MGAM2: variants seen among roughly 807,000 people sequenced by gnomAD.
MGAM2 encodes the protein probable maltase-glucoamylase 2.
MGAM2 carries 98 observed loss-of-function variants against 96.1 expected under a neutral mutation model. The observed-to-expected ratio is 1.02, with a 90% CI of 0.87 to 1.21. The LOEUF (loss-of-function observed/expected upper bound fraction) is 1.21. MGAM2 is among the 50% of genes most tolerant of loss of function. The pLI is 0.00. For synonymous variants in MGAM2, 749 were observed against 414.8 expected (o/e 1.81, Z -9.79); for missense variants, 2,055 against 1,182.4 (o/e 1.74, Z -10.82).
chr7:142,143,399 T>TATG (rs1554503850), intron 12 of MGAM2, among the ~76,000 whole-genome samples: 1 of 152,234 alleles, frequency 6.6e-6, no homozygotes, highest in Non-Finnish European at 1.5e-5. Context: ...AAGTAGACTT[T>TATG]ATGTGACCTT....
intron 30 of MGAM2, 24 bp downstream of exon 30, chr7:142,172,788 A>G (rs1420509323): frequency 1.5e-6 from 1 of 683,852 alleles, no homozygotes; most frequent in African/African-American, 1.8e-5. Flanking sequence ...CTGTCCATCA[A>G]TATATTGTCA....
chr7:142,183,167 C>T, intron 32 of MGAM2, 99 bp from the exon 33 acceptor site: 1 of 601,884 alleles, frequency 1.7e-6, no homozygotes, highest in South Asian at 2.0e-5. Context: ...TATTGAGATT[C>T]ACCATTTCCT....
chr7:142,205,807 A>AT (rs1012474912), intron 45 of MGAM2, among the ~76,000 whole-genome samples: 2 of 151,952 alleles, frequency 1.3e-5, no homozygotes, highest in Non-Finnish European at 2.9e-5. Context: ...TAATTTATCT[A>AT]TTTTTTTCTA....
At chr7:142,164,619 T>G (rs1417993453) in intron 23 of MGAM2, among the ~76,000 whole-genome samples, 1 of 152,110 alleles carries the variant, frequency 6.6e-6, no homozygotes, top group African/African-American at 2.4e-5. Flanking sequence ...ATTTTCCGAT[T>G]AATAGAATCA....
chr7:142,215,383 AC>A (rs1296556315), intron 46 of MGAM2, among the ~76,000 whole-genome samples: 1 of 152,014 alleles, frequency 6.6e-6, no homozygotes, highest in Non-Finnish European at 1.5e-5. Flanking sequence ...GATGCAGCAA[AC>A]CACCATGGCA....
At position 142,114,216 on chromosome 7, in the gene MGAM2, G is replaced by GAAAGAAAGAGAGAGAGAA. The variant is rs1554499599; in HGVS notation, c.-1+2410_-1+2411insAAGAAAGAGAGAGAGAAA. 2.1e-3 allele frequency among the ~76,000 whole-genome samples: 144 copies of GAAAGAAAGAGAGAGAGAA among 68,000 alleles called. 3 individuals carry two copies. The highest frequency in any genetic ancestry group is 0.01 in the African/African-American group (138 of 13,274). The allele number at this position is 68,000 out of a possible 152,430, so 44.6% of individuals were successfully genotyped here. A position where few individuals can be genotyped will look rare whatever the true frequency, so the allele number is the denominator to read the frequency against. ...AAAGAAAGAAAGAAAGAAAGAAAGA[G>GAAAGAAAGAGAGAGAGAA]AGAAAGAAAGAAAGAAATAGGAGAC... On this transcript the variant is annotated intron_variant, in intron 1 of 47. Transcript: ENST00000477922.
intron 6 of MGAM2, among the ~76,000 whole-genome samples, chr7:142,133,752 C>T (rs576437780): frequency 1.3e-5 from 2 of 152,340 alleles, no homozygotes; most frequent in South Asian, 4.1e-4. Flanking sequence ...CAACTCTGCT[C>T]TCTTTCCCCA....
At chr7:142,113,045 C>T (rs1023749539) in intron 1 of MGAM2, among the ~76,000 whole-genome samples, 11 of 152,100 alleles carry the variant, frequency 7.2e-5, no homozygotes, top group African/African-American at 2.7e-4. Flanking sequence ...GGAATTATTA[C>T]ACATTAACCT....
At chr7:142,176,188 C>A (rs562018423) in intron 32 of MGAM2, among the ~76,000 whole-genome samples, 2 of 151,676 alleles carry the variant, frequency 1.3e-5, no homozygotes, top group African/African-American at 4.8e-5. Flanking sequence ...TCAGGAGGTT[C>A]AAAAATCTCT....
intron 45 of MGAM2, among the ~76,000 whole-genome samples, chr7:142,207,344 T>C (rs1797433741): frequency 6.6e-6 from 1 of 152,160 alleles, no homozygotes; most frequent in Admixed American, 6.5e-5. Context: ...AGCTGGAGTT[T>C]AGGAGATGTA....
rs1323672891 is a variant in MGAM2 at position 142,162,004 on chromosome 7, T to G, written c.2484T>G (p.Ser828=). Residue 828 remains serine, a splice_region_variant and synonymous_variant, in exon 23 of 48, where the codon TCT becomes TCG. Coordinates refer to ENST00000477922, the MANE Select transcript of MGAM2 (RefSeq NM_001293626.2). ...TTCTATATGATTTCTCTGTTACCTC[T>G]GTAAGTATTTTGTTTGAGGAACACA... The part of the protein sequence containing the change: ...KYILYDFSVT[S]NHLQAKIINN... The G allele has an allele frequency of 5.8e-6, 4 of 690,824 alleles. No homozygotes were observed. The highest frequency in any genetic ancestry group is 1.1e-5 in the Non-Finnish European group (4 of 380,816). 42.8% of individuals were successfully genotyped at this position (690,824 alleles called of 1,614,324 possible).
In MGAM2 at chr7:142,222,119, T is replaced by G. The variant is rs892785658; in HGVS notation, c.*60T>G. On this transcript the variant is annotated 3_prime_UTR_variant, in exon 48 of 48. Coordinates refer to ENST00000477922, the MANE Select transcript of MGAM2 (RefSeq NM_001293626.2). ...CGCCTACAAACAACTATTACAGATA[T>G]AGAAAATCAGTTACGAGACACTCTA... is the stretch of plus-strand genomic sequence containing the variant. The G allele has an allele frequency of 2.5e-6, 1 of 397,382 alleles. No individual in the cohort carries two copies. Among genetic ancestry groups the G allele is most frequent in the East Asian group, 3.6e-5 (1 of 28,054 alleles). The allele number at this position is 397,382 out of a possible 1,614,324, so 24.6% of individuals were successfully genotyped here.
chr7:142,219,885 T>C lies in MGAM2; in HGVS notation c.5374T>C (p.Leu1792=). 1.4e-6 allele frequency: 1 copy of C among 700,898 alleles called. No individual in the cohort carries two copies. The highest frequency in any genetic ancestry group is 2.6e-6 in the Non-Finnish European group (1 of 383,836). The allele number at this position is 700,898 out of a possible 1,614,324, so 43.4% of individuals were successfully genotyped here. A position where few individuals can be genotyped will look rare whatever the true frequency, so the allele number is the denominator to read the frequency against. ...EPYNQILTIQ[L]TDKTINLEKL... is the part of the protein sequence containing the mutation. ...TTTCTGGCAGATACTAACTATTCAA[T>C]TGACTGACAAGACTATCAACCTGGA... The change falls in exon 48 of 48, where the codon TTG becomes CTG. Residue 1792 remains leucine (L), a synonymous_variant. Transcript: ENST00000477922.
At chr7:142,133,666 A>T (rs1794973496) in intron 6 of MGAM2, among the ~76,000 whole-genome samples, 1 of 152,104 alleles carries the variant, frequency 6.6e-6, no homozygotes, top group Non-Finnish European at 1.5e-5. Flanking sequence ...CACTTTTCCT[A>T]GGGGCAATGA....
chr7:142,131,728 A>G, intron 5 of MGAM2, 101 bp downstream of exon 5: 1 of 642,568 alleles, frequency 1.6e-6, no homozygotes, highest in South Asian at 1.8e-5. Context: ...CCCTCTCTGC[A>G]GGAATCTCTG....
At chr7:142,215,628 C>T (rs925526415) in intron 46 of MGAM2, among the ~76,000 whole-genome samples, 7 of 151,828 alleles carry the variant, frequency 4.6e-5, no homozygotes, top group Admixed American at 1.3e-4. Context: ...CGTGGTGGCG[C>T]ATGCCTGTAA....
At chr7:142,122,861 C>T (rs929432084) in intron 3 of MGAM2, among the ~76,000 whole-genome samples, 3 of 151,970 alleles carry the variant, frequency 2.0e-5, no homozygotes, top group Non-Finnish European at 1.5e-5. Context: ...GATGAAATCT[C>T]GTTCTGTCGC....
intron 24 of MGAM2, 102 bp downstream of exon 24, chr7:142,165,125 C>T (rs1388872880): frequency 1.8e-6 from 1 of 553,282 alleles, no homozygotes; most frequent in East Asian, 3.0e-5. Context: ...ACACAACTGA[C>T]TTGCTGGGAG....
In MGAM2 at chr7:142,169,005, G is replaced by A. The variant is rs376156620; in HGVS notation, c.3028-1070G>A. 3.6e-4 allele frequency among the ~76,000 whole-genome samples: 55 copies of A among 152,238 alleles called. 1 individual carries two copies. The South Asian group carries it at 6.6e-3, about 18-fold the overall frequency. On this transcript the variant is annotated intron_variant, in intron 26 of 47. Coordinates refer to ENST00000477922, the MANE Select transcript of MGAM2 (RefSeq NM_001293626.2). ...TTTTAATGTATCATGAATCACTGGGGCAGCTTGTGAAAATATAAGTTCTAA... is the reference window on the plus strand; with the variant it reads ...TTTTAATGTATCATGAATCACTGGGACAGCTTGTGAAAATATAAGTTCTAA...
Sources: allele counts gnomAD v4.1 joint callset (sites outside exome capture counted in the v4.1 genomes callset), GRCh38; gene constraint gnomAD v4.1.1; transcripts MANE v1.5; gene names NCBI Gene and HGNC (gene_info 2026-07-23, HGNC 2026-07-21).